Variants in ZNF385D observed in about 807,000 individuals in gnomAD.
ZNF385D encodes the protein zinc finger protein 659.
ZNF385D carries 15 observed loss-of-function variants against 35.8 expected under a neutral mutation model. The ratio of observed to expected loss-of-function variants is 0.42; its 90% CI spans 0.28 to 0.64. The LOEUF (loss-of-function observed/expected upper bound fraction) is 0.64. Ranked by LOEUF, ZNF385D falls within the 30% of genes least tolerant of loss-of-function variation. ZNF385D has a pLI of 0.23. For missense variants in ZNF385D, 474 were observed against 494.6 expected (o/e 0.96, Z 0.39); for synonymous variants, 212 against 186.8 (o/e 1.13, Z -1.10).
At chr3:21,751,379 A>ATG, upstream of ZNF385D, 1 of 1,039,620 alleles carries the variant, frequency 9.6e-7, no homozygotes, top group Non-Finnish European at 1.2e-6. Flanking sequence ...AGGCTCTCTT[A>ATG]AAGCGAGAAG....
intron 2 of ZNF385D, among the ~76,000 whole-genome samples, chr3:22,288,854 G>A (rs966697029): frequency 2.6e-5 from 4 of 152,044 alleles, no homozygotes; most frequent in Admixed American, 2.0e-4. Context: ...CTGGCCTCTT[G>A]TAAAAGAAGA....
At chr3:22,116,390 G>C (rs184262454) in intron 3 of ZNF385D, among the ~76,000 whole-genome samples, 1 of 152,002 alleles carries the variant, frequency 6.6e-6, no homozygotes, top group Admixed American at 6.6e-5. Context: ...TCCAATTCAA[G>C]AACTACTCAG....
chr3:22,369,994 A>G (rs1377137490), intron 2 of ZNF385D, among the ~76,000 whole-genome samples: 1 of 152,222 alleles, frequency 6.6e-6, no homozygotes, highest in East Asian at 1.9e-4. Flanking sequence ...GACTCATCTA[A>G]TCTTCGTTAC....
At chr3:22,141,659 G>A (rs1434922754) in intron 3 of ZNF385D, among the ~76,000 whole-genome samples, 3 of 144,878 alleles carry the variant, frequency 2.1e-5, no homozygotes, top group African/African-American at 7.6e-5. Context: ...CAAAAGCACC[G>A]CCCCTGGGGG....
intron 3 of ZNF385D, among the ~76,000 whole-genome samples, chr3:22,117,056 G>T (rs548211210): frequency 6.6e-6 from 1 of 152,088 alleles, no homozygotes; most frequent in South Asian, 2.1e-4. Context: ...GGCATGGAAA[G>T]AATTCAAACT....
chr3:21,550,262 T>C (rs1295080667), intron 3 of ZNF385D, among the ~76,000 whole-genome samples: 1 of 152,172 alleles, frequency 6.6e-6, no homozygotes, highest in African/African-American at 2.4e-5. Flanking sequence ...CTGTGAATAA[T>C]ACTGATAAGT....
chr3:21,631,133 A>G (rs1263771371), intron 2 of ZNF385D, among the ~76,000 whole-genome samples: 3 of 152,192 alleles, frequency 2.0e-5, no homozygotes, highest in African/African-American at 7.2e-5. Context: ...TGAGGTATAC[A>G]TACTCACATG....
intron 3 of ZNF385D, among the ~76,000 whole-genome samples, chr3:21,850,386 T>C (rs917811175): frequency 2.6e-5 from 4 of 152,114 alleles, no homozygotes; most frequent in African/African-American, 9.6e-5. Context: ...TTACAGAAGA[T>C]GGGATAGTGA....
intron 3 of ZNF385D, among the ~76,000 whole-genome samples, chr3:21,962,412 G>A (rs1236401582): frequency 6.6e-6 from 1 of 152,178 alleles, no homozygotes; most frequent in East Asian, 1.9e-4. Flanking sequence ...GTTCACTGAA[G>A]TTTAATTTTG....
intron 2 of ZNF385D, among the ~76,000 whole-genome samples, chr3:21,626,279 G>C (rs986332672): frequency 2.6e-5 from 4 of 152,076 alleles, no homozygotes; most frequent in African/African-American, 9.7e-5. Flanking sequence ...GAATGAGGAA[G>C]AAAAGGAATT....
chr3:22,219,320 CTATGTAT>C (rs1698098974), intron 2 of ZNF385D, among the ~76,000 whole-genome samples: 1 of 152,058 alleles, frequency 6.6e-6, no homozygotes. Context: ...CAACCCTGTT[CTATGTAT>C]TAAGAGTATC....
chr3:22,196,508 T>G (rs978855855), intron 2 of ZNF385D, among the ~76,000 whole-genome samples: 1 of 152,080 alleles, frequency 6.6e-6, no homozygotes, highest in Admixed American at 6.6e-5. Flanking sequence ...GACTGAACTA[T>G]TTTGTTTTTA....
chr3:22,065,493 T>C (rs1042540137), intron 3 of ZNF385D, among the ~76,000 whole-genome samples: 3 of 152,122 alleles, frequency 2.0e-5, no homozygotes, highest in Non-Finnish European at 4.4e-5. Context: ...TACACTTTCA[T>C]GTTAGAGTGG....
intron 4 of ZNF385D, among the ~76,000 whole-genome samples, chr3:21,501,020 C>T (rs1706316878): frequency 6.6e-6 from 1 of 152,138 alleles, no homozygotes; most frequent in African/African-American, 2.4e-5. Flanking sequence ...CATCACTGCA[C>T]CCCGCATTTG....
At chr3:21,609,696 A>C (rs998361304) in intron 2 of ZNF385D, among the ~76,000 whole-genome samples, 1 of 152,180 alleles carries the variant, frequency 6.6e-6, no homozygotes, top group Non-Finnish European at 1.5e-5. Flanking sequence ...CACAGAACCT[A>C]ATGGGGCCAA....
At chr3:22,131,860 A>G (rs1386432898) in intron 3 of ZNF385D, among the ~76,000 whole-genome samples, 1 of 152,182 alleles carries the variant, frequency 6.6e-6, no homozygotes, top group Non-Finnish European at 1.5e-5. Flanking sequence ...GAGAAGGTAT[A>G]AGTCAGGGAA....
At chr3:21,759,963 C>T (rs550915110) in intron 3 of ZNF385D, among the ~76,000 whole-genome samples, 2 of 152,234 alleles carry the variant, frequency 1.3e-5, no homozygotes, top group South Asian at 4.1e-4. Flanking sequence ...AAAGTGTTTC[C>T]AAGTGTGCAT....
At chr3:21,871,238 T>C (rs1038069989) in intron 3 of ZNF385D, among the ~76,000 whole-genome samples, 34 of 152,202 alleles carry the variant, frequency 2.2e-4, no homozygotes, top group African/African-American at 7.9e-4. Context: ...CCCACTGTAT[T>C]TCCCTCACTT....
intron 2 of ZNF385D, among the ~76,000 whole-genome samples, chr3:21,635,961 G>A (rs891994589): frequency 6.6e-6 from 1 of 152,058 alleles, no homozygotes; most frequent in East Asian, 1.9e-4. Flanking sequence ...CTTGTTGATT[G>A]ATGGGCATTT....
Sources: gnomAD v4.1 joint callset for allele counts (sites outside exome capture counted in the v4.1 genomes callset) on GRCh38, gnomAD v4.1.1 for gene constraint, MANE v1.5 for transcripts, NCBI Gene and HGNC (gene_info 2026-07-23, HGNC 2026-07-21) for gene names.